Variants in ROBO1 observed in about 807,000 individuals in gnomAD.
ROBO1 encodes the protein roundabout guidance receptor 1, also known as roundabout homolog 1.
ROBO1 carries 149 observed loss-of-function variants against 195.9 expected under a neutral mutation model. The ratio of observed to expected loss-of-function variants is 0.76; its 90% confidence interval spans 0.67 to 0.87. ROBO1 has a LOEUF of 0.87. Among genes scored for constraint, ROBO1 ranks in the 40% least tolerant of loss-of-function variants. The probability of loss-of-function intolerance (pLI) is 0.00; values close to 1 mark genes in which losing one functional copy is unlikely to be tolerated. For synonymous variants in ROBO1, 816 were observed against 733.2 expected (o/e 1.11, Z -1.82); for missense variants, 1,933 against 2,068.3 (o/e 0.93, Z 1.27).
chr3:79,580,064 T>C lies in ROBO1; in HGVS notation c.88+9760A>G, dbSNP rs1026986799. Among the ~76,000 whole-genome samples, 3 of 152,140 alleles carry C rather than the reference T, an allele frequency of 2.0e-5. No individual in the cohort carries two copies. The East Asian group carries it at 5.8e-4, about 29-fold the overall frequency. On this transcript the variant is annotated intron_variant, in intron 2 of 30. Transcript: ENST00000464233. ...GAAAAATGATAAATTATATATTCTA[T>C]AGAGTTATTTTCATATACAAGGAAT...
intron 4 of ROBO1, among the ~76,000 whole-genome samples, chr3:78,755,615 G>C (rs920480622): frequency 6.6e-6 from 1 of 152,144 alleles, no homozygotes; most frequent in Non-Finnish European, 1.5e-5. Context: ...GGTACCTTTT[G>C]TTGGCAAAAA....
chr3:79,093,175 A>T (rs139846421), intron 3 of ROBO1, among the ~76,000 whole-genome samples: 2 of 152,182 alleles, frequency 1.3e-5, no homozygotes, highest in African/African-American at 4.8e-5. Flanking sequence ...CTATGCTTAA[A>T]TGTAAGAATA....
chr3:78,690,661 G>A (rs1490621336), intron 8 of ROBO1, among the ~76,000 whole-genome samples: 1 of 151,952 alleles, frequency 6.6e-6, no homozygotes, highest in Non-Finnish European at 1.5e-5. Flanking sequence ...AGAATTGACT[G>A]GATAATACAC....
At chr3:79,572,037 C>A (rs896038321) in intron 2 of ROBO1, among the ~76,000 whole-genome samples, 24 of 152,054 alleles carry the variant, frequency 1.6e-4, no homozygotes, top group African/African-American at 5.6e-4. Context: ...GTTTTAAAGT[C>A]ATTCTTAATG....
chr3:79,328,132 T>A (rs2034289921), intron 2 of ROBO1, among the ~76,000 whole-genome samples: 1 of 152,180 alleles, frequency 6.6e-6, no homozygotes, highest in Non-Finnish European at 1.5e-5. Context: ...TTAGGACAAT[T>A]CTTTTTTAAT....
chr3:78,612,621 C>T (rs1703887029), intron 28 of ROBO1, among the ~76,000 whole-genome samples: 1 of 152,172 alleles, frequency 6.6e-6, no homozygotes, highest in African/African-American at 2.4e-5. Context: ...TAATAAGACA[C>T]AGCATTGTTA....
At chr3:79,287,210 A>C (rs2031941394) in intron 2 of ROBO1, among the ~76,000 whole-genome samples, 1 of 152,114 alleles carries the variant, frequency 6.6e-6, no homozygotes, top group African/African-American at 2.4e-5. Flanking sequence ...GTTTGGAAAT[A>C]TTTTGGCTTC....
intron 3 of ROBO1, among the ~76,000 whole-genome samples, chr3:79,088,634 C>T (rs780092642): frequency 2.0e-5 from 3 of 152,004 alleles, no homozygotes; most frequent in Admixed American, 6.5e-5. Flanking sequence ...TTTCTTTCAC[C>T]AACAGGGGAA....
Position 79,197,691 on chromosome 3 carries a change from C to G in ROBO1, c.89-72152G>C, listed in dbSNP as rs2081665265. Among the ~76,000 whole-genome samples the G allele has an allele frequency of 1.3e-5, 2 of 152,078 alleles. 1 individual carries two copies. The highest frequency in any genetic ancestry group is 4.1e-4 in the South Asian group (2 of 4,830). ...GTGTTCCTATTTCTCCACATCCTCT[C>G]CAGCATCTGTTGTTTCCTGACTTTT... On this transcript the variant is annotated intron_variant, in intron 2 of 30. Coordinates refer to ENST00000464233, the MANE Select transcript of ROBO1 (RefSeq NM_002941.4).
chr3:79,550,447 A>G (rs2107672726), intron 2 of ROBO1, among the ~76,000 whole-genome samples: 1 of 152,262 alleles, frequency 6.6e-6, no homozygotes, highest in African/African-American at 2.4e-5. Flanking sequence ...GGAGCATGCG[A>G]TGCACTTTAG....
chr3:78,643,982 T>C (rs1336274150), intron 21 of ROBO1, among the ~76,000 whole-genome samples: 1 of 152,050 alleles, frequency 6.6e-6, no homozygotes, highest in African/African-American at 2.4e-5. Flanking sequence ...TCATTAACTA[T>C]GTGAGGTAGG....
intron 1 of ROBO1, among the ~76,000 whole-genome samples, chr3:79,757,172 G>A (rs1013932111): frequency 1.3e-5 from 2 of 152,078 alleles, no homozygotes; most frequent in African/African-American, 2.4e-5. Flanking sequence ...CTTGTGATAT[G>A]TACCCAGAAG....
intron 3 of ROBO1, among the ~76,000 whole-genome samples, chr3:79,014,134 G>T (rs2108229689): frequency 6.6e-6 from 1 of 152,088 alleles, no homozygotes; most frequent in East Asian, 1.9e-4. Context: ...TTATATAGTT[G>T]TTGAATTTAA....
rs536574221 is a variant in ROBO1 at position 79,265,554 on chromosome 3, G to C, written c.89-140015C>G. Among the ~76,000 whole-genome samples, 349 of 151,594 alleles carry C rather than the reference G, an allele frequency of 2.3e-3. 1 individual carries two copies. Among genetic ancestry groups the C allele is most frequent in the African/African-American group, 7.4e-3 (305 of 41,486 alleles). ...AAACAATTATTTGCAAATTTTTTAAGTTGTATAAACGAAAATAATGAGGGA... is the reference window on the plus strand; with the variant it reads ...AAACAATTATTTGCAAATTTTTTAACTTGTATAAACGAAAATAATGAGGGA... On this transcript the variant is annotated intron_variant, in intron 2 of 30. Coordinates refer to ENST00000464233, the MANE Select transcript of ROBO1 (RefSeq NM_002941.4).
At chr3:78,642,892 C>T (rs957876084) in intron 21 of ROBO1, among the ~76,000 whole-genome samples, 62 of 152,208 alleles carry the variant, frequency 4.1e-4, no homozygotes, top group African/African-American at 1.4e-3. Flanking sequence ...ATACAGCCTC[C>T]ACAATTTCTC....
At chr3:79,712,033 G>T (rs904365878) in intron 1 of ROBO1, among the ~76,000 whole-genome samples, 2 of 151,904 alleles carry the variant, frequency 1.3e-5, no homozygotes, top group African/African-American at 4.8e-5. Flanking sequence ...CCATTCCCCT[G>T]TTTCTCTCCT....
At chr3:78,663,808 A>T (rs1443990810) in intron 14 of ROBO1, among the ~76,000 whole-genome samples, 1 of 152,220 alleles carries the variant, frequency 6.6e-6, no homozygotes, top group African/African-American at 2.4e-5. Flanking sequence ...GGTTCAATTA[A>T]AATGTATTCA....
At chr3:79,259,120 T>C (rs2082890897) in intron 2 of ROBO1, among the ~76,000 whole-genome samples, 2 of 152,118 alleles carry the variant, frequency 1.3e-5, no homozygotes, top group Admixed American at 6.6e-5. Flanking sequence ...AATTTATCCT[T>C]TGAGTTGCAA....
rs2078562756 is a variant in ROBO1, at chr3:79,044,954, G to T, written c.172+80502C>A. On this transcript the variant is annotated intron_variant, in intron 3 of 30. Transcript: ENST00000464233. ...CAAAGCATTGTATTAAATAATAAAT[G>T]AAACAAATTATTGCACCCCTGGCTG... 2.6e-5 allele frequency among the ~76,000 whole-genome samples: 4 copies of T among 151,778 alleles called. No homozygotes were observed. In the South Asian group the frequency reaches 8.3e-4, roughly 31 times the overall value.
Sources: gnomAD v4.1 joint callset for allele counts (sites outside exome capture counted in the v4.1 genomes callset) on GRCh38, gnomAD v4.1.1 for gene constraint, MANE v1.5 for transcripts, NCBI Gene and HGNC (gene_info 2026-07-23, HGNC 2026-07-21) for gene names.